Variants in HCRTR1 observed in about 807,000 individuals in gnomAD.
The protein encoded by HCRTR1 is hypocretin receptor 1.
HCRTR1 carries 28 observed loss-of-function variants against 40.6 expected under a neutral mutation model. That is an observed-to-expected ratio of 0.69 (90% CI 0.51 to 0.95). The LOEUF (loss-of-function observed/expected upper bound fraction) is 0.95, where lower values mean the gene tolerates loss of function less well. Ranked by LOEUF, HCRTR1 falls within the 40% of genes least tolerant of loss-of-function variation. The probability of loss-of-function intolerance (pLI) is 0.00; values close to 1 mark genes in which losing one functional copy is unlikely to be tolerated. For missense variants in HCRTR1, 482 were observed against 564.7 expected, an observed-to-expected ratio of 0.85 and a Z score of 1.48; for synonymous variants, 209 against 230.0, an observed-to-expected ratio of 0.91 and a Z score of 0.83.
intron 5 of HCRTR1, 133 bp downstream of exon 5, chr1:31,621,219 C>A: frequency 8.0e-7 from 1 of 1,254,784 alleles, no homozygotes; most frequent in Admixed American, 2.5e-5. Context: ...AGGGGACACC[C>A]TAGACTGGCT....
At chr1:31,629,618 C>G (rs1570262252), downstream of HCRTR1, among the ~76,000 whole-genome samples, 2 of 152,304 alleles carry the variant, frequency 1.3e-5, no homozygotes, top group Admixed American at 1.3e-4. Flanking sequence ...AATGCCAGCC[C>G]TAAAACTGCT....
Position 31,626,877 on chromosome 1 carries a change from G to A in HCRTR1, c.1175G>A (p.Arg392His), listed in dbSNP as rs201590353. The A allele has an allele frequency of 6.2e-6, 10 of 1,613,934 alleles. No homozygotes were observed. Among genetic ancestry groups the A allele is most frequent in the Admixed American group, 5.0e-5 (3 of 60,014 alleles). ...GGCTCTCTGAAGGCCCCTAGTCCCC[G>A]CTCCTCTGCCAGCCACAAGTCCTTG... The part of the protein sequence containing the change: ...PCGSLKAPSP[R>H]SSASHKSLSL... The change falls in exon 9 of 9, where the codon CGC becomes CAC. Residue 392 changes from arginine to histidine, a missense_variant. Arg to His is a conservative substitution (Grantham distance 29, BLOSUM62 0). Transcript: ENST00000403528. The surrounding 1 kb of genome is among the most constrained non-coding windows in gnomAD (Gnocchi z 4.6).
At chr1:31,618,047 C>G (rs577876748) in intron 1 of HCRTR1, 166 bp downstream of exon 1, 1 of 152,540 alleles carries the variant, frequency 6.6e-6, no homozygotes, top group South Asian at 2.1e-4. Flanking sequence ...CTCGCTCCCC[C>G]GCGCCTTCCC....
At chr1:31,618,347 A>C (rs1474357752) in intron 1 of HCRTR1, among the ~76,000 whole-genome samples, 1 of 151,922 alleles carries the variant, frequency 6.6e-6, no homozygotes, top group Non-Finnish European at 1.5e-5. Context: ...GGCCCTGGGG[A>C]CCCAAAGGGG....
Position 31,625,143 on chromosome 1 carries a change from G to C in HCRTR1, c.1087+25G>C, listed in dbSNP as rs1639949371. ...GGTGAGCAGGCTGGGGATGCAAAAT[G>C]ACTGAGGGTGGCCAACAGTCCACAT... On this transcript the variant is annotated intron_variant, in intron 8 of 8. Transcript: ENST00000403528. The surrounding 1 kb of genome is among the most constrained non-coding windows in gnomAD (Gnocchi z 4.2). 6.3e-7 allele frequency: 1 copy of C among 1,577,784 alleles called. No homozygotes were observed. Among genetic ancestry groups the C allele is most frequent in the Non-Finnish European group, 8.6e-7 (1 of 1,157,718 alleles).
chr1:31,623,656 G>A lies in HCRTR1; in HGVS notation c.872G>A (p.Arg291His), dbSNP rs200295984. Reference protein sequence around the residue: ...RAFLAEVKQMRARRKTAKMLM... With the variant: ...RAFLAEVKQMHARRKTAKMLM... ...TTCCTGGCTGAAGTGAAGCAGATGCGTGCACGGAGGAAGACAGCCAAGATG... is the reference window on the plus strand; with the variant it reads ...TTCCTGGCTGAAGTGAAGCAGATGCATGCACGGAGGAAGACAGCCAAGATG... Residue 291 changes from arginine to histidine, a missense_variant, in exon 7 of 9, where the codon CGT (arginine) becomes CAT (histidine). Transcript: ENST00000403528. The A allele has an allele frequency of 4.5e-5, 73 of 1,614,078 alleles. 1 individual carries two copies. The highest frequency in any genetic ancestry group is 3.0e-4 in the South Asian group (27 of 91,086).
At position 31,620,984 on chromosome 1, in the gene HCRTR1, G is replaced by A. The variant is rs780506804; in HGVS notation, c.520G>A (p.Ala174Thr). The change falls in exon 5 of 9, where the codon GCC becomes ACC. Residue 174 changes from alanine to threonine, a missense_variant. Ala to Thr is a moderately conservative substitution (Grantham distance 58). Transcript: ENST00000403528. ...CCTGGGCATCTGGGCTGTGTCGCTG[G>A]CCATCATGGTGCCCCAGGCTGCAGT... ...SILGIWAVSL[A>T]IMVPQAAVME... The A allele has an allele frequency of 6.2e-7, 1 of 1,614,028 alleles. No individual in the cohort carries two copies. The highest frequency in any genetic ancestry group is 1.1e-5 in the South Asian group (1 of 91,092).
At position 31,626,673 on chromosome 1, in the gene HCRTR1, T is replaced by TC; in HGVS notation, c.1088-114dup. ...TCTCCCTCCCAGCTCTATCCCTCCC[T>TC]CCCTCCCCGCCCCCTCATAGGCAGC... is the stretch of plus-strand genomic sequence containing the variant. On this transcript the variant is annotated intron_variant, in intron 8 of 8. Transcript: ENST00000403528. This position sits in a 1 kb window ranked among gnomAD's most constrained non-coding sequence, Gnocchi z 4.6. 2.9e-6 allele frequency: 1 copy of TC among 345,292 alleles called. No homozygotes were observed. Among genetic ancestry groups the TC allele is most frequent in the Non-Finnish European group, 5.8e-6 (1 of 172,054 alleles). 21.4% of individuals were successfully genotyped at this position (345,292 alleles called of 1,614,324 possible). A position where few individuals can be genotyped will look rare whatever the true frequency, so the allele number is the denominator to read the frequency against.
In HCRTR1 at chr1:31,619,249, G is replaced by T; in HGVS notation, c.57G>T (p.Glu19Asp). The T allele has an allele frequency of 6.2e-7, 1 of 1,613,844 alleles. No homozygotes were observed. Among genetic ancestry groups the T allele is most frequent in the Non-Finnish European group, 8.5e-7 (1 of 1,180,012 alleles). The change falls in exon 3 of 9, where the codon GAG (glutamate) becomes GAT (aspartate). Residue 19 changes from glutamate (E) to aspartate (D), a missense_variant. Transcript: ENST00000403528. ...TGGGGGTCCCCCCTGGCAGCAGAGA[G>T]CCGTCCCCTGTGCCTCCAGACTATG... ...AQMGVPPGSR[E>D]PSPVPPDYED...
At chr1:31,634,286 G>C (rs1252368275), downstream of HCRTR1, among the ~76,000 whole-genome samples, 1 of 152,234 alleles carries the variant, frequency 6.6e-6, no homozygotes, top group Non-Finnish European at 1.5e-5. Context: ...TGTGTAGTTT[G>C]TATAGAAGGG....
chr1:31,618,966 A>C, intron 2 of HCRTR1, 85 bp from the exon 3 acceptor site: 2 of 551,682 alleles, frequency 3.6e-6, no homozygotes, highest in Non-Finnish European at 6.5e-6. Context: ...TTAAGAGGGA[A>C]CTTATACGCA....
downstream of HCRTR1, chr1:31,627,640 A>C (rs184053797): frequency 2.3e-3 from 747 of 323,632 alleles, 3 homozygotes; most frequent in African/African-American, 0.015. Context: ...CATTGCACAA[A>C]ATCTGTGCTG....
chr1:31,625,093 C>T lies in HCRTR1; in HGVS notation c.1062C>T (p.Asn354=), dbSNP rs1479886483. The change falls in exon 8 of 9, where the codon AAC becomes AAT. Residue 354 remains asparagine, a synonymous_variant. Coordinates refer to ENST00000403528, the MANE Select transcript of HCRTR1 (RefSeq NM_001525.3). The surrounding 1 kb of genome is among the most constrained non-coding windows in gnomAD (Gnocchi z 4.2). ...TGGTGTACGCCAACAGCGCTGCCAACCCCATCATCTACAACTTCCTCAGTG... is the reference window on the plus strand; with the variant it reads ...TGGTGTACGCCAACAGCGCTGCCAATCCCATCATCTACAACTTCCTCAGTG... ...HWLVYANSAA[N]PIIYNFLSGK... The T allele has an allele frequency of 4.3e-6, 7 of 1,611,920 alleles. No individual in the cohort carries two copies. The highest frequency in any genetic ancestry group is 5.9e-6 in the Non-Finnish European group (7 of 1,178,766).
rs547786260 is a variant in HCRTR1, at chr1:31,627,517, C to A, written c.*537C>A. 6.9e-6 allele frequency: 3 copies of A among 434,130 alleles called. No homozygotes were observed. The highest frequency in any genetic ancestry group is 6.3e-4 in the Middle Eastern group (1 of 1,592). 26.9% of individuals were successfully genotyped at this position (434,130 alleles called of 1,614,324 possible). On this transcript the variant is annotated 3_prime_UTR_variant, in exon 9 of 9. Transcript: ENST00000403528. ...CCAAGGGCACACACCACAGACCCGA[C>A]CTTGTTGGCTTTGTGGTGTGATAAA...
At position 31,619,591 on chromosome 1, in the gene HCRTR1, A is replaced by T. The variant is rs1368005577; in HGVS notation, c.259A>T (p.Asn87Tyr). The T allele has an allele frequency of 5.6e-6, 9 of 1,613,598 alleles. No homozygotes were observed. The highest frequency in any genetic ancestry group is 7.6e-6 in the Non-Finnish European group (9 of 1,179,680). ...MRTVTNYFIV[N>Y]LSLADVLVTA... ...GACAGTCACCAACTACTTCATTGTC[A>T]ACCTGTCCCTGGCTGACGTTCTGGT... The change falls in exon 4 of 9, where the codon AAC becomes TAC. Residue 87 changes from asparagine (N) to tyrosine (Y), a missense_variant. Physicochemically the swap from Asn to Tyr is moderately radical, Grantham distance 143. Transcript: ENST00000403528.
At chr1:31,621,159 T>A (rs1357184715) in intron 5 of HCRTR1, 73 bp downstream of exon 5, 2 of 1,519,964 alleles carry the variant, frequency 1.3e-6, no homozygotes, top group Non-Finnish European at 1.8e-6. Context: ...AGGACAGGCA[T>A]CTAGCAGGGT....
At chr1:31,621,228 C>A in intron 5 of HCRTR1, 142 bp downstream of exon 5, 1 of 1,202,188 alleles carries the variant, frequency 8.3e-7, no homozygotes, top group Non-Finnish European at 1.1e-6. Flanking sequence ...CCTAGACTGG[C>A]TCCTACCAGG....
At chr1:31,627,749 G>A (rs2148612966), downstream of HCRTR1, 2 of 222,456 alleles carry the variant, frequency 9.0e-6, no homozygotes, top group Admixed American at 5.3e-5. Context: ...CCCACCACAC[G>A]GGATCCCAGA....
intron 2 of HCRTR1, 27 bp downstream of exon 2, chr1:31,618,843 C>A (rs1186690882): frequency 6.0e-6 from 2 of 331,108 alleles, no homozygotes; most frequent in African/African-American, 2.1e-5. Context: ...CCCCATTAGA[C>A]AGATGGGGAA....
Sources: allele counts gnomAD v4.1 joint callset (sites outside exome capture counted in the v4.1 genomes callset), GRCh38; gene constraint gnomAD v4.1.1; non-coding constraint Gnocchi (gnomAD v3.1); transcripts MANE v1.5; gene names NCBI Gene and HGNC (gene_info 2026-07-23, HGNC 2026-07-21).